POLH: variants seen among roughly 807,000 people sequenced by gnomAD.
The protein encoded by POLH is DNA polymerase eta transcript.
In POLH, 53 loss-of-function variants were observed where a neutral mutation model predicts 73.6. The ratio of observed to expected loss-of-function variants is 0.72; its 90% confidence interval spans 0.58 to 0.91. POLH has a LOEUF of 0.91. Ranked by LOEUF, POLH falls within the 40% of genes least tolerant of loss-of-function variation. The probability of loss-of-function intolerance (pLI) is 0.00; values close to 1 mark genes in which losing one functional copy is unlikely to be tolerated. For synonymous variants in POLH, 292 were observed against 308.5 expected, an observed-to-expected ratio of 0.95 and a Z score of 0.56; for missense variants, 768 against 865.4, an observed-to-expected ratio of 0.89 and a Z score of 1.41.
intron 9 of POLH, among the ~76,000 whole-genome samples, chr6:43,608,838 A>AT (rs1767578343): frequency 2.0e-5 from 3 of 152,242 alleles, no homozygotes; most frequent in Non-Finnish European, 1.5e-5. Flanking sequence ...CTTCACACTT[A>AT]AGGCATATTA....
At chr6:43,591,594 C>T (rs1765466504) in intron 4 of POLH, among the ~76,000 whole-genome samples, 1 of 151,584 alleles carries the variant, frequency 6.6e-6, no homozygotes, top group African/African-American at 2.4e-5. Flanking sequence ...GCTGGGATTA[C>T]AGGCATGAGC....
chr6:43,583,101 G>A lies in POLH; in HGVS notation c.232G>A (p.Ala78Thr), dbSNP rs372613817. ...GAAGTTATGTCCAGATCTTCTACTG[G>A]CACAAGTTCGTGAGTCCCGTGGGAA... ...AKKLCPDLLL[A>T]QVRESRGKAN... Residue 78 changes from alanine (A) to threonine (T), a missense_variant, in exon 3 of 11, where the codon GCA becomes ACA. By Grantham distance (58) the Ala-to-Thr change is moderately conservative. Coordinates refer to ENST00000372236, the MANE Select transcript of POLH (RefSeq NM_006502.3). 2.9e-5 allele frequency: 46 copies of A among 1,613,740 alleles called. No homozygotes were observed. Among genetic ancestry groups the A allele is most frequent in the Non-Finnish European group, 3.6e-5 (43 of 1,179,900 alleles).
chr6:43,578,921 A>G (rs73426798), intron 1 of POLH, among the ~76,000 whole-genome samples: 1 of 152,222 alleles, frequency 6.6e-6, no homozygotes, highest in African/African-American at 2.4e-5. Flanking sequence ...TTTATGTGCC[A>G]ATTGGCTATG....
At position 43,619,364 on chromosome 6, in the gene POLH, C is replaced by CAAAA. The variant is rs60046548; in HGVS notation, c.*4834_*4837dup. 6.5e-4 allele frequency among the ~76,000 whole-genome samples: 24 copies of CAAAA among 37,082 alleles called. No individual in the cohort carries two copies. Among genetic ancestry groups the CAAAA allele is most frequent in the South Asian group, 1.5e-3 (1 of 668 alleles). 24.3% of individuals were successfully genotyped at this position (37,082 alleles called of 152,430 possible). On this transcript the variant is annotated 3_prime_UTR_variant, in exon 11 of 11. Transcript: ENST00000372236. ...TGGGTGACAGTCTGAGACCCTGTCTCAAAAAAAAAAAAAAAAAAAAAAAAA... is the reference window on the plus strand; with the variant it reads ...TGGGTGACAGTCTGAGACCCTGTCTCAAAAAAAAAAAAAAAAAAAAAAAAAAAAA...
Position 43,614,671 on chromosome 6 carries a change from T to A in POLH, c.*114T>A. On this transcript the variant is annotated 3_prime_UTR_variant, in exon 11 of 11. Coordinates refer to ENST00000372236, the MANE Select transcript of POLH (RefSeq NM_006502.3). Reference sequence around the variant, plus strand: ...AGAAAGGGAATTATGAAATTTTTAATACAAAAAATAATCCATTTAGGTGCT... The same window carrying A: ...AGAAAGGGAATTATGAAATTTTTAAAACAAAAAATAATCCATTTAGGTGCT... The A allele has an allele frequency of 1.0e-6, 1 of 963,284 alleles. No homozygotes were observed. The highest frequency in any genetic ancestry group is 1.5e-6 in the Non-Finnish European group (1 of 651,758). The allele number at this position is 963,284 out of a possible 1,614,324, so 59.7% of individuals were successfully genotyped here.
At chr6:43,599,626 A>T (rs2127797794) in intron 5 of POLH, among the ~76,000 whole-genome samples, 1 of 150,980 alleles carries the variant, frequency 6.6e-6, no homozygotes, top group South Asian at 2.1e-4. Flanking sequence ...ACCCATCTGA[A>T]TTTTTTTGGT....
Position 43,614,083 on chromosome 6 carries a change from A to G in POLH, c.1668A>G (p.Pro556=), listed in dbSNP as rs747719589. The G allele has an allele frequency of 6.2e-7, 1 of 1,614,182 alleles. No individual in the cohort carries two copies. The highest frequency in any genetic ancestry group is 1.1e-5 in the South Asian group (1 of 91,086). ...NSSVSSPQQN[P]WSNCKALPNS... ...CAGTTTCTTCCCCCCAACAAAACCC[A>G]TGGTCCAACTGTAAAGCATTACCAA... Residue 556 remains proline, a synonymous_variant, in exon 11 of 11, where the codon CCA becomes CCG. Coordinates refer to ENST00000372236, the MANE Select transcript of POLH (RefSeq NM_006502.3).
At chr6:43,611,895 A>G (rs1302530708) in intron 10 of POLH, among the ~76,000 whole-genome samples, 1 of 152,006 alleles carries the variant, frequency 6.6e-6, no homozygotes, top group Non-Finnish European at 1.5e-5. Context: ...GTCTCTACTA[A>G]AAATACAAAA....
chr6:43,581,014 G>C (rs1490995231), intron 1 of POLH, among the ~76,000 whole-genome samples: 660 of 129,366 alleles, frequency 5.1e-3, no homozygotes, highest in African/African-American at 0.015. Flanking sequence ...CCTCCCTCCC[G>C]GACGGGGTGG....
chr6:43,580,886 G>A (rs1338294879), intron 1 of POLH, among the ~76,000 whole-genome samples: 546 of 148,726 alleles, frequency 3.7e-3, no homozygotes, highest in African/African-American at 0.012. Flanking sequence ...CTGGCCGGGC[G>A]GAGGGCTGAC....
At position 43,582,383 on chromosome 6, in the gene POLH, G is replaced by T; in HGVS notation, c.64G>T (p.Glu22Ter). 2 of 1,614,034 alleles carry T rather than the reference G, an allele frequency of 1.2e-6. No homozygotes were observed. The highest frequency in any genetic ancestry group is 1.7e-6 in the Non-Finnish European group (2 of 1,179,886). ...CATGGACTGTTTTTTTGTTCAAGTGGAGCAGCGGCAAAATCCTCATTTGAG... is the reference window on the plus strand; with the variant it reads ...CATGGACTGTTTTTTTGTTCAAGTGTAGCAGCGGCAAAATCCTCATTTGAG... ...VDMDCFFVQV[E>*]QRQNPHLRNK... The change falls in exon 2 of 11, where the codon GAG becomes TAG. Residue 22 changes from glutamate (E) to a stop codon, truncating the protein, a stop_gained. Transcript: ENST00000372236. LOFTEE classifies it high-confidence loss of function.
intron 4 of POLH, among the ~76,000 whole-genome samples, chr6:43,596,555 A>G (rs1251445683): frequency 6.6e-6 from 1 of 152,194 alleles, no homozygotes; most frequent in Non-Finnish European, 1.5e-5. Context: ...GAAATATTTT[A>G]AAGTAGGTTT....
chr6:43,578,466 T>A (rs1247614742), intron 1 of POLH: 1 of 439,178 alleles, frequency 2.3e-6, no homozygotes. Context: ...GTTGTGGAAG[T>A]CAAATATCAG....
intron 9 of POLH, among the ~76,000 whole-genome samples, chr6:43,608,064 A>C (rs1487737202): frequency 6.6e-6 from 1 of 152,186 alleles, no homozygotes; most frequent in African/African-American, 2.4e-5. Context: ...CTGGAGGTGG[A>C]GGTTGCAGTG....
At chr6:43,577,218 C>T (rs9333503) in intron 1 of POLH, among the ~76,000 whole-genome samples, 430 of 152,350 alleles carry the variant, frequency 2.8e-3, no homozygotes, top group Non-Finnish European at 5.1e-3. Flanking sequence ...CCAGTAAATA[C>T]ATAAACGGAA....
intron 3 of POLH, 134 bp downstream of exon 3, chr6:43,583,275 T>C (rs1023637906): frequency 5.2e-5 from 40 of 776,414 alleles, no homozygotes; most frequent in Non-Finnish European, 7.7e-5. Context: ...CCATCTTGTC[T>C]CTGTGAAATG....
At chr6:43,592,597 A>G (rs1477180753) in intron 4 of POLH, among the ~76,000 whole-genome samples, 1 of 151,750 alleles carries the variant, frequency 6.6e-6, no homozygotes, top group Non-Finnish European at 1.5e-5. Context: ...TATTTTTTTT[A>G]GTAGAGACGG....
At chr6:43,580,289 A>G (rs1411617227) in intron 1 of POLH, among the ~76,000 whole-genome samples, 1 of 140,630 alleles carries the variant, frequency 7.1e-6, no homozygotes, top group Non-Finnish European at 1.6e-5. Context: ...AACAAAATGA[A>G]AAGTCTCCCA....
intron 8 of POLH, 85 bp from the exon 9 acceptor site, chr6:43,605,169 G>GAA: frequency 1.2e-6 from 1 of 809,350 alleles, no homozygotes. Flanking sequence ...CTGTTTGGGA[G>GAA]AAAAAAAAGA....
Sources: allele counts gnomAD v4.1 joint callset (sites outside exome capture counted in the v4.1 genomes callset), GRCh38; gene constraint gnomAD v4.1.1; transcripts MANE v1.5; gene names NCBI Gene and HGNC (gene_info 2026-07-23, HGNC 2026-07-21).